Variants in GJC2 observed in about 807,000 individuals in gnomAD.
GJC2 encodes the protein gap junction gamma-2 protein.
For missense variants in GJC2, 647 were observed against 648.9 expected (o/e 1.00, Z 0.03); for synonymous variants, 336 against 307.5 (o/e 1.09, Z -0.97).
chr1:228,157,741 A>AGACCCCC lies in GJC2; in HGVS notation c.-18_-17insGACCCCC. ...GCTGACCCCTACCCCGCCCCACAGG[A>AGACCCCC]CCCGCCCGCCCGCCCCTATGACCAA... On this transcript the variant is annotated splice_region_variant and 5_prime_UTR_variant, in exon 2 of 2. Transcript: ENST00000366714. The AGACCCCC allele has an allele frequency of 2.8e-5, 10 of 354,470 alleles. No homozygotes were observed. Among genetic ancestry groups the AGACCCCC allele is most frequent in the Non-Finnish European group, 4.0e-5 (7 of 177,092 alleles). 22.0% of individuals were successfully genotyped at this position (354,470 alleles called of 1,614,324 possible).
chr1:228,151,733 G>A lies in GJC2; in HGVS notation c.-20+1726G>A, dbSNP rs1280903277. 6.6e-6 allele frequency among the ~76,000 whole-genome samples: 1 copy of A among 152,160 alleles called. No homozygotes were observed. The highest frequency in any genetic ancestry group is 1.5e-5 in the Non-Finnish European group (1 of 68,016). ...CCGGCCACAGAGCTGCTGGGGCAGAGTGGGCATGGAGGGAGGGTTCCAGGC... is the reference window on the plus strand; with the variant it reads ...CCGGCCACAGAGCTGCTGGGGCAGAATGGGCATGGAGGGAGGGTTCCAGGC... On this transcript the variant is annotated intron_variant, in intron 1 of 1. Transcript: ENST00000366714. This position sits in a 1 kb window ranked among gnomAD's most constrained non-coding sequence, Gnocchi z 5.4.
chr1:228,155,045 T>G (rs1461646000), intron 1 of GJC2, among the ~76,000 whole-genome samples: 1 of 152,244 alleles, frequency 6.6e-6, no homozygotes, highest in Admixed American at 6.5e-5. Context: ...AGCTGTATTT[T>G]CTATGAAACC....
chr1:228,158,977 G>A lies in GJC2; in HGVS notation c.1219G>A (p.Gly407Ser), dbSNP rs758530794. The A allele has an allele frequency of 3.1e-6, 5 of 1,597,848 alleles. No homozygotes were observed. Among genetic ancestry groups the A allele is most frequent in the Non-Finnish European group, 4.3e-6 (5 of 1,174,020 alleles). Residue 407 changes from glycine to serine, a missense_variant, in exon 2 of 2, where the codon GGC becomes AGC. Gly to Ser is a moderately conservative substitution (Grantham distance 56). Coordinates refer to ENST00000366714, the MANE Select transcript of GJC2 (RefSeq NM_020435.4). This position sits in a 1 kb window ranked among gnomAD's most constrained non-coding sequence, Gnocchi z 8.3. ...ATSAGTVGEQ[G>S]RPGTHERPGA... ...CTCTGCGGGCACTGTCGGGGAGCAG[G>A]GCCGGCCCGGCACCCACGAGCGGCC...
chr1:228,154,867 C>G (rs904410171), intron 1 of GJC2, among the ~76,000 whole-genome samples: 3 of 152,236 alleles, frequency 2.0e-5, no homozygotes, highest in Non-Finnish European at 4.4e-5. Context: ...CCCCAGCCCT[C>G]GGGTCTGCCA....
At chr1:228,156,850 T>C (rs1202725857) in intron 1 of GJC2, among the ~76,000 whole-genome samples, 1 of 152,222 alleles carries the variant, frequency 6.6e-6, no homozygotes, top group African/African-American at 2.4e-5. Context: ...TTGCCCACCT[T>C]GGGCTTGGCT....
intron 1 of GJC2, among the ~76,000 whole-genome samples, chr1:228,155,010 T>A (rs1027927682): frequency 1.3e-5 from 2 of 152,184 alleles, no homozygotes; most frequent in African/African-American, 4.8e-5. Context: ...CAAAGGTGTG[T>A]GTCTGAACCC....
chr1:228,158,700 GC>G lies in GJC2; in HGVS notation c.947del (p.Pro316ArgfsTer155), dbSNP rs2124966840. The G allele has an allele frequency of 8.9e-7, 1 of 1,121,810 alleles. No homozygotes were observed. The highest frequency in any genetic ancestry group is 5.1e-5 in the Admixed American group (1 of 19,468). 69.5% of individuals were successfully genotyped at this position (1,121,810 alleles called of 1,614,324 possible). A position where few individuals can be genotyped will look rare whatever the true frequency, so the allele number is the denominator to read the frequency against. The stretch of plus-strand genomic sequence containing the variant: ...CCTCCGCCCCCGCCCCCGCGCCGCG[GC>G]CCCCGCCCTGCGCCTTCCCTGCGGC... ...PASAPAPAPR[P>X]PPCAFPAAAA... On this transcript the variant is annotated frameshift_variant, in exon 2 of 2. Transcript: ENST00000366714. LOFTEE classifies it low-confidence loss of function (END_TRUNC). The surrounding 1 kb of genome is among the most constrained non-coding windows in gnomAD (Gnocchi z 8.3).
intron 1 of GJC2, among the ~76,000 whole-genome samples, chr1:228,154,706 G>A (rs986277213): frequency 6.6e-6 from 1 of 152,248 alleles, no homozygotes; most frequent in Non-Finnish European, 1.5e-5. Flanking sequence ...ATCTATGTCA[G>A]TCTGTAATCT....
chr1:228,154,892 G>GACA (rs1318258803), intron 1 of GJC2, among the ~76,000 whole-genome samples: 3 of 152,228 alleles, frequency 2.0e-5, no homozygotes, highest in Non-Finnish European at 4.4e-5. Context: ...CCCACCAGGG[G>GACA]TTCCTGATTC....
In GJC2 at chr1:228,151,463, C is replaced by T. The variant is rs1456734551; in HGVS notation, c.-20+1456C>T. 1.3e-5 allele frequency among the ~76,000 whole-genome samples: 2 copies of T among 152,006 alleles called. No homozygotes were observed. The highest frequency in any genetic ancestry group is 2.4e-5 in the African/African-American group (1 of 41,374). ...TGCTTTCCTGGGCCTGGTGGGGACT[C>T]CTGAGGGAGGCACGTGGTGAGGTTG... is the stretch of plus-strand genomic sequence containing the variant. On this transcript the variant is annotated intron_variant, in intron 1 of 1. Transcript: ENST00000366714. This position sits in a 1 kb window ranked among gnomAD's most constrained non-coding sequence, Gnocchi z 5.4.
intron 1 of GJC2, 85 bp from the exon 2 acceptor site, chr1:228,157,654 GC>G (rs1017166178): frequency 3.5e-5 from 26 of 737,984 alleles, no homozygotes; most frequent in African/African-American, 5.3e-5. Context: ...AGAGGGGCCA[GC>G]TGCGAGGCAA....
chr1:228,158,445 G>A lies in GJC2; in HGVS notation c.687G>A (p.Val229=), dbSNP rs2034719444. 1 of 1,610,028 alleles carries A rather than the reference G, an allele frequency of 6.2e-7. No individual in the cohort carries two copies. The highest frequency in any genetic ancestry group is 8.5e-7 in the Non-Finnish European group (1 of 1,179,582). The change falls in exon 2 of 2, where the codon GTG becomes GTA. Residue 229 remains valine (V), a synonymous_variant. Coordinates refer to ENST00000366714, the MANE Select transcript of GJC2 (RefSeq NM_020435.4). The surrounding 1 kb of genome is among the most constrained non-coding windows in gnomAD (Gnocchi z 8.3). ...ARAAFEVAFL[V]GQYLLYGFEV... The stretch of plus-strand genomic sequence containing the variant: ...CAGCTTTCGAGGTGGCCTTCCTGGT[G>A]GGCCAGTACCTGCTGTACGGCTTCG...
Position 228,158,873 on chromosome 1 carries a change from C to G in GJC2, c.1115C>G (p.Ser372Trp), listed in dbSNP as rs1352336450. Residue 372 changes from serine (S) to tryptophan (W), a missense_variant, in exon 2 of 2, where the codon TCG becomes TGG. Transcript: ENST00000366714. This position sits in a 1 kb window ranked among gnomAD's most constrained non-coding sequence, Gnocchi z 8.3. ...AAAGDRDRDS[S>W]PCVGLPAASR... Reference sequence around the variant, plus strand: ...GCTGGGGACCGCGACCGGGACAGTTCGCCGTGCGTCGGCCTCCCTGCGGCC... The same window carrying G: ...GCTGGGGACCGCGACCGGGACAGTTGGCCGTGCGTCGGCCTCCCTGCGGCC... The G allele has an allele frequency of 1.3e-6, 2 of 1,487,666 alleles. No individual in the cohort carries two copies. The highest frequency in any genetic ancestry group is 2.3e-5 in the Admixed American group (1 of 43,722). 92.2% of individuals were successfully genotyped at this position (1,487,666 alleles called of 1,614,324 possible).
intron 1 of GJC2, among the ~76,000 whole-genome samples, chr1:228,154,614 C>G (rs886680189): frequency 7.9e-5 from 12 of 152,312 alleles, no homozygotes; most frequent in African/African-American, 2.6e-4. Context: ...GTCCACATGG[C>G]TGCTTTGGAT....
chr1:228,154,579 G>T (rs764887224), intron 1 of GJC2, among the ~76,000 whole-genome samples: 4 of 152,152 alleles, frequency 2.6e-5, no homozygotes, highest in Non-Finnish European at 5.9e-5. Flanking sequence ...AGGGATGGGG[G>T]TCATGCTCCC....
In GJC2 at chr1:228,150,796, G is replaced by T. The variant is rs1227489329; in HGVS notation, c.-20+789G>T. ...TGAGCCCAGGATTCCTGGCTGCTGG[G>T]CGTTCAGGAGGGAAGAGACGGGTTC... On this transcript the variant is annotated intron_variant, in intron 1 of 1. Transcript: ENST00000366714. The surrounding 1 kb of genome is among the most constrained non-coding windows in gnomAD (Gnocchi z 4.6). 1.3e-5 allele frequency among the ~76,000 whole-genome samples: 2 copies of T among 152,158 alleles called. No homozygotes were observed. Among genetic ancestry groups the T allele is most frequent in the East Asian group, 3.9e-4 (2 of 5,186 alleles).
rs1341997250 is a variant in GJC2, at chr1:228,158,890, C to T, written c.1132C>T (p.Pro378Ser). ...GGACAGTTCGCCGTGCGTCGGCCTC[C>T]CTGCGGCCTCCCGGGGGCCCCCCAG... The part of the protein sequence containing the change: ...DRDSSPCVGL[P>S]AASRGPPRAG... Residue 378 changes from proline to serine, a missense_variant, in exon 2 of 2, where the codon CCT (proline) becomes TCT (serine). By Grantham distance (74) the Pro-to-Ser change is moderately conservative (BLOSUM62 -1). Coordinates refer to ENST00000366714, the MANE Select transcript of GJC2 (RefSeq NM_020435.4). This position sits in a 1 kb window ranked among gnomAD's most constrained non-coding sequence, Gnocchi z 8.3. 1 of 1,489,694 alleles carries T rather than the reference C, an allele frequency of 6.7e-7. No homozygotes were observed. The highest frequency in any genetic ancestry group is 1.5e-5 in the African/African-American group (1 of 68,360). 92.3% of individuals were successfully genotyped at this position (1,489,694 alleles called of 1,614,324 possible).
At position 228,158,503 on chromosome 1, in the gene GJC2, C is replaced by T. The variant is rs775735957; in HGVS notation, c.745C>T (p.Pro249Ser). 5.6e-6 allele frequency: 9 copies of T among 1,612,848 alleles called. No homozygotes were observed. The highest frequency in any genetic ancestry group is 8.5e-7 in the Non-Finnish European group (1 of 1,179,658). Residue 249 changes from proline (P) to serine (S), a missense_variant, in exon 2 of 2, where the codon CCC (proline) becomes TCC (serine). Transcript: ENST00000366714. The surrounding 1 kb of genome is among the most constrained non-coding windows in gnomAD (Gnocchi z 8.3). ...VRPFFPCSRQPCPHVVDCFVS... is the reference protein window; with the variant it reads ...VRPFFPCSRQSCPHVVDCFVS... ...ACCGTTCTTTCCCTGCAGCCGCCAG[C>T]CCTGCCCGCACGTGGTGGACTGCTT...
At chr1:228,153,250 T>C (rs553070796) in intron 1 of GJC2, among the ~76,000 whole-genome samples, 2 of 152,134 alleles carry the variant, frequency 1.3e-5, no homozygotes, top group East Asian at 3.9e-4. Context: ...GGCCAAGGTG[T>C]GGATGGCTCA....
Sources: allele counts gnomAD v4.1 joint callset (sites outside exome capture counted in the v4.1 genomes callset), GRCh38; gene constraint gnomAD v4.1.1; non-coding constraint Gnocchi (gnomAD v3.1); transcripts MANE v1.5; gene names NCBI Gene and HGNC (gene_info 2026-07-23, HGNC 2026-07-21).